Variants in DCDC1 observed in about 807,000 individuals in gnomAD.
The protein encoded by DCDC1 is doublecortin domain containing 1.
A neutral mutation model predicts 178.3 loss-of-function variants in DCDC1; 200 were observed. The ratio of observed to expected loss-of-function variants is 1.12; its 90% CI spans 1.00 to 1.26. The LOEUF is 1.26. Ranked by LOEUF, DCDC1 falls within the 50% of genes most tolerant of loss-of-function variation. The pLI, the probability that DCDC1 is intolerant of heterozygous loss-of-function variation, is 0.00. For missense variants in DCDC1, 1,983 were observed against 1,749.2 expected (o/e 1.13, Z -2.38); for synonymous variants, 690 against 604.8 (o/e 1.14, Z -2.07).
At chr11:31,204,009 G>A (rs1971599059) in intron 9 of DCDC1, among the ~76,000 whole-genome samples, 1 of 152,126 alleles carries the variant, frequency 6.6e-6, no homozygotes, top group African/African-American at 2.4e-5. Context: ...ACATTAATAA[G>A]CAACTGGAAA....
At chr11:30,925,740 A>G (rs189394879) in intron 22 of DCDC1, among the ~76,000 whole-genome samples, 2 of 152,298 alleles carry the variant, frequency 1.3e-5, no homozygotes, top group African/African-American at 4.8e-5. Flanking sequence ...ATTGACTTTT[A>G]GTTCCTTGGT....
At chr11:30,892,738 G>C (rs1265690857) in intron 36 of DCDC1, 80 bp downstream of exon 36, 13 of 1,534,818 alleles carry the variant, frequency 8.5e-6, no homozygotes, top group Middle Eastern at 1.7e-4. Flanking sequence ...GAAGTAATTT[G>C]CTTGACCAAA....
rs1414841409 is a variant in DCDC1, at chr11:31,127,723, T to C, written c.1315-84A>G. On this transcript the variant is annotated intron_variant, in intron 10 of 38. Coordinates refer to ENST00000684477, the MANE Select transcript of DCDC1 (RefSeq NM_001387274.1). ...TTAGATTTTTGAGTACCTAGCTTGA[T>C]GGGGGGAAAATGACTTCAATACAGG... is the stretch of plus-strand genomic sequence containing the variant. 7.7e-6 allele frequency: 5 copies of C among 645,804 alleles called. No homozygotes were observed. In the African/African-American group the frequency reaches 9.0e-5, roughly 12 times the overall value. 40.0% of individuals were successfully genotyped at this position (645,804 alleles called of 1,614,324 possible). A position where few individuals can be genotyped will look rare whatever the true frequency, so the allele number is the denominator to read the frequency against.
chr11:31,198,238 T>C (rs1970905783), intron 9 of DCDC1, among the ~76,000 whole-genome samples: 1 of 151,964 alleles, frequency 6.6e-6, no homozygotes, highest in Admixed American at 6.6e-5. Context: ...CAATTTTAGC[T>C]AGTGTTTCAT....
intron 20 of DCDC1, among the ~76,000 whole-genome samples, chr11:31,024,344 TA>T: frequency 6.6e-6 from 1 of 152,084 alleles, no homozygotes; most frequent in Non-Finnish European, 1.5e-5. Context: ...AACGATTATC[TA>T]CAGGTCTCAT....
intron 36 of DCDC1, among the ~76,000 whole-genome samples, chr11:30,890,729 T>C (rs1489315990): frequency 2.6e-5 from 4 of 152,248 alleles, no homozygotes; most frequent in African/African-American, 9.6e-5. Flanking sequence ...CTTTTTTCTA[T>C]ATCTGTGCAT....
At chr11:31,154,648 T>C (rs1965536443) in intron 9 of DCDC1, among the ~76,000 whole-genome samples, 1 of 152,180 alleles carries the variant, frequency 6.6e-6, no homozygotes, top group African/African-American at 2.4e-5. Flanking sequence ...CTGGGATAAA[T>C]AGAATTATTA....
intron 17 of DCDC1, among the ~76,000 whole-genome samples, chr11:31,090,308 C>T (rs1232714290): frequency 6.6e-6 from 1 of 152,154 alleles, no homozygotes; most frequent in Non-Finnish European, 1.5e-5. Context: ...TCTGACTGGA[C>T]TTTAACTGAC....
At chr11:31,112,768 TG>T (rs770495233) in intron 11 of DCDC1, among the ~76,000 whole-genome samples, 6 of 152,320 alleles carry the variant, frequency 3.9e-5, no homozygotes, top group African/African-American at 7.2e-5. Context: ...CTTTCCTTCA[TG>T]TCAATATTGA....
At chr11:31,093,638 G>A (rs75228173) in intron 16 of DCDC1, among the ~76,000 whole-genome samples, 194 of 152,230 alleles carry the variant, frequency 1.3e-3, no homozygotes, top group Non-Finnish European at 9.3e-4. Context: ...TTAAAACTAC[G>A]TCCTTGCTAA....
At chr11:31,038,948 A>G (rs531990992) in intron 20 of DCDC1, among the ~76,000 whole-genome samples, 2 of 152,316 alleles carry the variant, frequency 1.3e-5, no homozygotes, top group Non-Finnish European at 2.9e-5. Context: ...AGGGACTTAC[A>G]AAAGAAATGT....
intron 6 of DCDC1, among the ~76,000 whole-genome samples, chr11:31,300,705 A>T (rs1442779520): frequency 6.6e-6 from 1 of 152,130 alleles, no homozygotes; most frequent in Admixed American, 6.6e-5. Flanking sequence ...AGAATATATA[A>T]ATGAATTCTC....
At chr11:31,187,912 C>T (rs1485802679) in intron 9 of DCDC1, among the ~76,000 whole-genome samples, 1 of 152,176 alleles carries the variant, frequency 6.6e-6, no homozygotes, top group Non-Finnish European at 1.5e-5. Flanking sequence ...TTAATAAAGA[C>T]TGAGTAACCC....
At chr11:30,881,446 A>G (rs1942660226) in intron 36 of DCDC1, 138 bp from the exon 37 acceptor site, 1 of 1,105,446 alleles carries the variant, frequency 9.0e-7, no homozygotes. Context: ...ATTCGTATAG[A>G]AGAGATGGGA....
intron 13 of DCDC1, among the ~76,000 whole-genome samples, chr11:31,105,066 G>A (rs1395998480): frequency 6.6e-6 from 1 of 151,930 alleles, no homozygotes; most frequent in African/African-American, 2.4e-5. Flanking sequence ...TACTTAACAC[G>A]TATTGCACAT....
At chr11:31,191,698 G>C (rs1970152306) in intron 9 of DCDC1, among the ~76,000 whole-genome samples, 1 of 151,952 alleles carries the variant, frequency 6.6e-6, no homozygotes, top group African/African-American at 2.4e-5. Flanking sequence ...ATGGAGGGTT[G>C]GGTTTCAACA....
chr11:30,970,216 T>C (rs576961378), intron 20 of DCDC1, among the ~76,000 whole-genome samples: 3 of 152,234 alleles, frequency 2.0e-5, no homozygotes, highest in African/African-American at 7.2e-5. Context: ...GAAACTAACA[T>C]AGTGAGATGC....
chr11:31,064,993 T>C, intron 19 of DCDC1, 26 bp downstream of exon 19: 1 of 716,928 alleles, frequency 1.4e-6, no homozygotes, highest in Non-Finnish European at 2.5e-6. Context: ...GCTATTTCTG[T>C]CTTGCCTCTG....
chr11:31,185,845 C>T (rs1565401641), intron 9 of DCDC1, among the ~76,000 whole-genome samples: 1 of 152,184 alleles, frequency 6.6e-6, no homozygotes, highest in Non-Finnish European at 1.5e-5. Flanking sequence ...TAATCTGATC[C>T]TGTCAATACA....
Sources: allele counts gnomAD v4.1 joint callset (sites outside exome capture counted in the v4.1 genomes callset), GRCh38; gene constraint gnomAD v4.1.1; transcripts MANE v1.5; gene names NCBI Gene and HGNC (gene_info 2026-07-23, HGNC 2026-07-21).